EVC: variants seen among roughly 807,000 people sequenced by gnomAD.
EVC encodes the protein evC complex member EVC.
In EVC, 116 loss-of-function variants were observed where a neutral mutation model predicts 118.9. The observed-to-expected ratio is 0.98, with a 90% CI of 0.84 to 1.14. The LOEUF is 1.14. EVC is among the 50% of genes most tolerant of loss of function. The pLI is 0.00. For synonymous variants in EVC, 619 were observed against 534.7 expected (o/e 1.16, Z -2.18); for missense variants, 1,401 against 1,246.4 (o/e 1.12, Z -1.87).
In EVC at chr4:5,783,140, A is replaced by G. The variant is rs138873703; in HGVS notation, c.1564-412A>G. 2.2e-4 allele frequency among the ~76,000 whole-genome samples: 34 copies of G among 151,530 alleles called. 1 individual carries two copies. In the East Asian group the frequency reaches 4.6e-3, roughly 21 times the overall value. On this transcript the variant is annotated intron_variant, in intron 11 of 20. Coordinates refer to ENST00000264956, the MANE Select transcript of EVC (RefSeq NM_153717.3). ...TATGTGTGCAAGTATGTATGAGTCT[A>G]TGTGTGATTCATGTGTGTATGTGTG...
the EVC span, among the ~76,000 whole-genome samples, chr4:5,827,733 G>GCACACAGA: frequency 1.0e-3 from 142 of 138,328 alleles, 1 homozygote; most frequent in African/African-American, 3.7e-3. Flanking sequence ...ATGTGCGCGT[G>GCACACAGA]CACACACACA....
At chr4:5,736,315 A>C (rs1466816888) in intron 5 of EVC, among the ~76,000 whole-genome samples, 1 of 152,184 alleles carries the variant, frequency 6.6e-6, no homozygotes, top group Non-Finnish European at 1.5e-5. Flanking sequence ...GCACACACAT[A>C]AATGTGCATA....
At chr4:5,714,089 C>T (rs1053121274) in intron 1 of EVC, among the ~76,000 whole-genome samples, 4 of 152,200 alleles carry the variant, frequency 2.6e-5, no homozygotes, top group Non-Finnish European at 5.9e-5. Flanking sequence ...TCTGTTCTCT[C>T]CGCCTGCGCG....
chr4:5,771,405 AC>A (rs1487232059), intron 11 of EVC, among the ~76,000 whole-genome samples: 2 of 151,990 alleles, frequency 1.3e-5, no homozygotes, highest in African/African-American at 4.8e-5. Context: ...ACTTATAAGA[AC>A]CCTGTGATGA....
Position 5,798,505 on chromosome 4 carries a change from C to T in EVC, c.2098-81C>T. ...TCCAACCCCTGGGCCCTGGATAGGA[C>T]CAGCCCCACATCCCAGTCCTGGCCA... is the stretch of plus-strand genomic sequence containing the variant. On this transcript the variant is annotated intron_variant, in intron 14 of 20. Coordinates refer to ENST00000264956, the MANE Select transcript of EVC (RefSeq NM_153717.3). This position sits in a 1 kb window ranked among gnomAD's most constrained non-coding sequence, Gnocchi z 4.1. 2 of 1,430,828 alleles carry T rather than the reference C, an allele frequency of 1.4e-6. No individual in the cohort carries two copies. The highest frequency in any genetic ancestry group is 2.5e-5 in the South Asian group (2 of 81,562). The allele number at this position is 1,430,828 out of a possible 1,614,324, so 88.6% of individuals were successfully genotyped here. A position where few individuals can be genotyped will look rare whatever the true frequency, so the allele number is the denominator to read the frequency against.
chr4:5,828,207 G>C, the EVC span: 3 of 985,402 alleles, frequency 3.0e-6, no homozygotes, highest in Non-Finnish European at 3.6e-6. Context: ...ACAGCGCCCA[G>C]AGCAGCTTGG....
chr4:5,724,211 A>G (rs1009207164), intron 2 of EVC, among the ~76,000 whole-genome samples: 3 of 152,230 alleles, frequency 2.0e-5, no homozygotes, highest in African/African-American at 7.2e-5. Flanking sequence ...TACATGGATG[A>G]GGAGCTGGTT....
chr4:5,716,687 GT>G (rs1263018081), intron 1 of EVC, among the ~76,000 whole-genome samples: 1 of 152,152 alleles, frequency 6.6e-6, no homozygotes, highest in Non-Finnish European at 1.5e-5. Context: ...CTTGGCTATT[GT>G]TTTAGGCGAC....
At chr4:5,769,384 A>G (rs1484845183) in intron 11 of EVC, among the ~76,000 whole-genome samples, 1 of 152,152 alleles carries the variant, frequency 6.6e-6, no homozygotes, top group African/African-American at 2.4e-5. Flanking sequence ...GGGAGCTACA[A>G]TTCAAGATGA....
chr4:5,745,088 T>C, intron 6 of EVC, 116 bp from the exon 7 acceptor site: 1 of 1,046,698 alleles, frequency 9.6e-7, no homozygotes, highest in Non-Finnish European at 1.4e-6. Context: ...CATTTAACTA[T>C]TGTTTAAAAA....
At chr4:5,827,072 C>G in the EVC span, among the ~76,000 whole-genome samples, 2 of 152,222 alleles carry the variant, frequency 1.3e-5, no homozygotes, top group Admixed American at 1.3e-4. Context: ...TCTCCTTCAC[C>G]TGGTCTAGCT....
At chr4:5,741,368 A>G (rs1340656558) in intron 5 of EVC, among the ~76,000 whole-genome samples, 1 of 152,218 alleles carries the variant, frequency 6.6e-6, no homozygotes, top group Non-Finnish European at 1.5e-5. Context: ...CTTTCTTCAA[A>G]GAAGCAAACC....
At chr4:5,807,461 G>A (rs954839793) in intron 17 of EVC, among the ~76,000 whole-genome samples, 1 of 152,206 alleles carries the variant, frequency 6.6e-6, no homozygotes, top group Non-Finnish European at 1.5e-5. Flanking sequence ...TTCAGGTCTA[G>A]AAATTCGACC....
Position 5,802,058 on chromosome 4 carries a change from G to A in EVC, c.2413G>A (p.Glu805Lys), listed in dbSNP as rs781506461. 24 of 1,614,104 alleles carry A rather than the reference G, an allele frequency of 1.5e-5. 1 individual carries two copies. The South Asian group carries it at 2.1e-4, about 14-fold the overall frequency. Residue 805 changes from glutamate (E) to lysine (K), a missense_variant, in exon 16 of 21, where the codon GAG becomes AAG. Transcript: ENST00000264956. ...QQIGRIMEDH[E>K]ERKLQHLKTL... ...AATCGGAAGGATCATGGAGGACCAC[G>A]AGGAGAGAAAACTGCAGCACCTGAA... is the stretch of plus-strand genomic sequence containing the variant.
chr4:5,828,774 T>G, the EVC span: 1 of 1,303,828 alleles, frequency 7.7e-7, no homozygotes, highest in Admixed American at 2.7e-5. Context: ...TGTTCCAATG[T>G]TTTTTTTTCT....
chr4:5,723,192 T>C (rs1277686634), intron 2 of EVC, among the ~76,000 whole-genome samples: 1 of 91,912 alleles, frequency 1.1e-5, no homozygotes, highest in Non-Finnish European at 1.9e-5. Flanking sequence ...CCTTTCCTTC[T>C]TTTTTTTTTT....
Position 5,783,510 on chromosome 4 carries a change from C to T in EVC, c.1564-42C>T, listed in dbSNP as rs370411751. 6.3e-6 allele frequency: 10 copies of T among 1,597,406 alleles called. No individual in the cohort carries two copies. The African/African-American group carries it at 1.2e-4, about 19-fold the overall frequency. On this transcript the variant is annotated intron_variant, in intron 11 of 20. Coordinates refer to ENST00000264956, the MANE Select transcript of EVC (RefSeq NM_153717.3). ...GAGCAGCTCAGGCCCCACACAGGGT[C>T]CTGCCGTGACCTGTAACCCCATCTG...
chr4:5,803,867 C>G (rs1715417841), intron 16 of EVC, among the ~76,000 whole-genome samples: 1 of 151,904 alleles, frequency 6.6e-6, no homozygotes, highest in Admixed American at 6.6e-5. Context: ...AGTTAGCTGT[C>G]CAAACCAGGG....
At chr4:5,752,770 T>C (rs1282192559) in intron 8 of EVC, 66 bp from the exon 9 acceptor site, 1 of 1,539,060 alleles carries the variant, frequency 6.5e-7, no homozygotes, top group East Asian at 2.2e-5. Flanking sequence ...TTCTCAGCTG[T>C]TAATTAACAT....
Sources: allele counts gnomAD v4.1 joint callset (sites outside exome capture counted in the v4.1 genomes callset), GRCh38; gene constraint gnomAD v4.1.1; non-coding constraint Gnocchi (gnomAD v3.1); transcripts MANE v1.5; gene names NCBI Gene and HGNC (gene_info 2026-07-23, HGNC 2026-07-21).